LYPD4: variants seen among roughly 807,000 people sequenced by gnomAD.
LYPD4 encodes LY6/PLAUR domain containing 4.
A neutral mutation model predicts 18.2 loss-of-function variants in LYPD4; 20 were observed. That is an observed-to-expected ratio of 1.10 (90% CI 0.77 to 1.59). LYPD4 has a LOEUF of 1.59. Ranked by LOEUF, LYPD4 falls within the 40% of genes most tolerant of loss-of-function variation. The pLI, the probability that LYPD4 is intolerant of heterozygous loss-of-function variation, is 0.00. For synonymous variants in LYPD4, 111 were observed against 118.3 expected (o/e 0.94, Z 0.40); for missense variants, 278 against 300.3 (o/e 0.93, Z 0.55).
At chr19:41,838,558 G>A (rs978544886) in intron 3 of LYPD4, among the ~76,000 whole-genome samples, 2 of 151,926 alleles carry the variant, frequency 1.3e-5, no homozygotes, top group Non-Finnish European at 2.9e-5. Context: ...AACACAACCA[G>A]TGGGGCCCTG....
intron 2 of LYPD4, 25 bp downstream of exon 2, chr19:41,839,194 T>C (rs781958588): frequency 1.9e-5 from 30 of 1,613,972 alleles, no homozygotes; most frequent in Non-Finnish European, 2.5e-5. Context: ...CTGGGTCTTA[T>C]AGCATCCAGC....
chr19:41,841,943 T>A (rs1555833632), intron 1 of LYPD4, among the ~76,000 whole-genome samples: 1 of 152,058 alleles, frequency 6.6e-6, no homozygotes, highest in Non-Finnish European at 1.5e-5. Flanking sequence ...ATTGCAGGGG[T>A]CTGACACTAC....
chr19:41,842,058 T>C (rs1555833661), intron 1 of LYPD4, among the ~76,000 whole-genome samples: 2 of 150,546 alleles, frequency 1.3e-5, no homozygotes, highest in African/African-American at 4.9e-5. Flanking sequence ...TAATGCAGCA[T>C]TTTTTTTTTC....
chr19:41,838,428 T>A (rs2123091222), intron 3 of LYPD4, among the ~76,000 whole-genome samples, 167 bp from the exon 4 acceptor site: 1 of 151,408 alleles, frequency 6.6e-6, no homozygotes, highest in East Asian at 2.0e-4. Flanking sequence ...GATGCTGGGG[T>A]CTCCATCTGG....
At chr19:41,843,246 C>T (rs2123163237) in intron 1 of LYPD4, among the ~76,000 whole-genome samples, 1 of 151,856 alleles carries the variant, frequency 6.6e-6, no homozygotes, top group East Asian at 1.9e-4. Flanking sequence ...TGACCTTGGC[C>T]TCAGAGACCC....
In LYPD4 at chr19:41,839,212, G is replaced by C. The variant is rs782148963; in HGVS notation, c.67+7C>G. On this transcript the variant is annotated splice_region_variant and intron_variant, in intron 2 of 4. Transcript: ENST00000609812. ...GGTCTTATAGCATCCAGCCCCACAG[G>C]ACATACGAGGCAGAGTGGAGATGGC... The C allele has an allele frequency of 1.9e-6, 3 of 1,613,982 alleles. No homozygotes were observed. The highest frequency in any genetic ancestry group is 1.6e-4 in the Middle Eastern group (1 of 6,084).
downstream of LYPD4, chr19:41,835,720 C>CAGAG (rs1462020333): frequency 2.1e-6 from 2 of 940,738 alleles, no homozygotes; most frequent in East Asian, 2.3e-4. Context: ...ATGGAGGTCA[C>CAGAG]AGAGGTCCAT....
rs782818919 is a variant in LYPD4 at position 41,837,140 on chromosome 19, T to C, written c.*3A>G. 66 of 1,613,700 alleles carry C rather than the reference T, an allele frequency of 4.1e-5. No homozygotes were observed. Among genetic ancestry groups the C allele is most frequent in the Non-Finnish European group, 4.8e-5 (57 of 1,179,858 alleles). ...TGGGTGCTTGTCGGGTGCAGCTAGA[T>C]GGTCAGTCCCTGAAGGCAAACAGGA... On this transcript the variant is annotated 3_prime_UTR_variant, in exon 5 of 5. Transcript: ENST00000609812.
chr19:41,835,857 T>TCGC, downstream of LYPD4: 1 of 984,946 alleles, frequency 1.0e-6, no homozygotes, highest in South Asian at 4.7e-5. Flanking sequence ...GCCTGTGTCC[T>TCGC]CGCCTGTAAA....
At position 41,837,988 on chromosome 19, in the gene LYPD4, G is replaced by A. The variant is rs782045092; in HGVS notation, c.485C>T (p.Ser162Phe). 6.2e-7 allele frequency: 1 copy of A among 1,614,076 alleles called. No individual in the cohort carries two copies. ...ACACGTAGAAGCAGCCAAGGGGCAA[G>A]AATTAGTGGTGACAAAATTTGGGAG... ...DCLPNFVTTN[S>F]CPLAASTCYS... The change falls in exon 4 of 5, where the codon TCT (serine) becomes TTT (phenylalanine). Residue 162 changes from serine to phenylalanine, a missense_variant. Coordinates refer to ENST00000609812, the MANE Select transcript of LYPD4 (RefSeq NM_173506.7).
rs376484312 is a variant in LYPD4 at position 41,838,020 on chromosome 19, C to T, written c.453G>A (p.Lys151=). Residue 151 remains lysine, a synonymous_variant, in exon 4 of 5, where the codon AAG becomes AAA. Coordinates refer to ENST00000609812, the MANE Select transcript of LYPD4 (RefSeq NM_173506.7). Reference sequence around the variant, plus strand: ...TGGTGACAAAATTTGGGAGGCAATCCTTCATGTGCTCGCCCACACAGGTCG... The same window carrying T: ...TGGTGACAAAATTTGGGAGGCAATCTTTCATGTGCTCGCCCACACAGGTCG... ...SCPTCVGEHM[K]DCLPNFVTTN... is the part of the protein sequence containing the mutation. The T allele has an allele frequency of 4.3e-6, 7 of 1,614,012 alleles. No individual in the cohort carries two copies. The highest frequency in any genetic ancestry group is 5.9e-6 in the Non-Finnish European group (7 of 1,180,012).
In LYPD4 at chr19:41,838,098, C is replaced by A; in HGVS notation, c.375G>T (p.Val125=). 6.2e-7 allele frequency: 1 copy of A among 1,614,078 alleles called. No homozygotes were observed. Among genetic ancestry groups the A allele is most frequent in the Non-Finnish European group, 8.5e-7 (1 of 1,179,988 alleles). Residue 125 remains valine (V), a synonymous_variant, in exon 4 of 5, where the codon GTG becomes GTT. Transcript: ENST00000609812. ...CNNLTNLEPF[V]KLKASTPKSI... is the part of the protein sequence containing the mutation. ...ACTTAGGAGTGCTGGCCTTGAGTTTCACAAAAGGCTCCAAATTGGTGAGGT... is the reference window on the plus strand; with the variant it reads ...ACTTAGGAGTGCTGGCCTTGAGTTTAACAAAAGGCTCCAAATTGGTGAGGT...
chr19:41,841,556 C>T (rs891104367), intron 1 of LYPD4, among the ~76,000 whole-genome samples: 6 of 149,438 alleles, frequency 4.0e-5, no homozygotes, highest in African/African-American at 1.2e-4. Flanking sequence ...GTCCCAGCTA[C>T]TAGGGAGGCT....
intron 1 of LYPD4, among the ~76,000 whole-genome samples, chr19:41,840,123 T>C (rs1030035202): frequency 6.6e-6 from 1 of 150,420 alleles, no homozygotes; most frequent in Non-Finnish European, 1.5e-5. Context: ...CACACAGACA[T>C]AGACACAGAC....
intron 1 of LYPD4, among the ~76,000 whole-genome samples, chr19:41,842,614 C>T (rs1311087906): frequency 6.6e-6 from 1 of 150,762 alleles, no homozygotes; most frequent in Non-Finnish European, 1.5e-5. Flanking sequence ...AAAAATTAGT[C>T]GAGTGTGGTG....
chr19:41,840,371 G>A (rs2073542375), intron 1 of LYPD4, among the ~76,000 whole-genome samples: 1 of 152,094 alleles, frequency 6.6e-6, no homozygotes, highest in African/African-American at 2.4e-5. Context: ...AGGTTGCAGT[G>A]AGCTATGACT....
intron 1 of LYPD4, 60 bp from the exon 2 acceptor site, chr19:41,839,465 G>A: frequency 1.6e-6 from 1 of 618,302 alleles, no homozygotes; most frequent in Non-Finnish European, 2.9e-6. Context: ...GACCTTCTGG[G>A]TCACAGGTCT....
chr19:41,837,827 A>C, intron 4 of LYPD4, 108 bp downstream of exon 4: 1 of 1,221,794 alleles, frequency 8.2e-7, no homozygotes, highest in Non-Finnish European at 1.1e-6. Context: ...TGTCCCTTGC[A>C]ACCCCAATCC....
chr19:41,835,555 G>A (rs2073362263), downstream of LYPD4: 1 of 152,806 alleles, frequency 6.5e-6, no homozygotes, highest in Non-Finnish European at 1.5e-5. Flanking sequence ...GTTAGGAAGA[G>A]GTGGGCGAAG....
Sources: gnomAD v4.1 joint callset for allele counts (sites outside exome capture counted in the v4.1 genomes callset) on GRCh38, gnomAD v4.1.1 for gene constraint, MANE v1.5 for transcripts, NCBI Gene and HGNC (gene_info 2026-07-23, HGNC 2026-07-21) for gene names.